Variants in EXD3 observed in about 807,000 individuals in gnomAD.
EXD3 encodes the protein exonuclease mut-7 homolog.
In EXD3, 92 loss-of-function variants were observed where a neutral mutation model predicts 98.0. The ratio of observed to expected loss-of-function variants is 0.94; its 90% CI spans 0.79 to 1.12. The LOEUF is 1.12. EXD3 is among the 50% of genes most tolerant of loss of function. The probability of loss-of-function intolerance (pLI) is 0.00; values close to 1 mark genes in which losing one functional copy is unlikely to be tolerated. For synonymous variants in EXD3, 569 were observed against 526.0 expected, an observed-to-expected ratio of 1.08 and a Z score of -1.12; for missense variants, 1,222 against 1,191.6, an observed-to-expected ratio of 1.03 and a Z score of -0.38.
intron 7 of EXD3, among the ~76,000 whole-genome samples, chr9:137,356,861 C>G (rs543432390): frequency 6.6e-6 from 1 of 152,284 alleles, no homozygotes; most frequent in South Asian, 2.1e-4. Context: ...TAGCTCCTGC[C>G]CTGCAAGGTC....
chr9:137,327,237 C>G (rs1832464901), intron 17 of EXD3, among the ~76,000 whole-genome samples: 1 of 151,856 alleles, frequency 6.6e-6, no homozygotes, highest in Admixed American at 6.6e-5. Flanking sequence ...GGGTTCACGC[C>G]ATTCTCCTGC....
At chr9:137,412,569 T>C (rs894614804) in intron 1 of EXD3, among the ~76,000 whole-genome samples, 4 of 151,948 alleles carry the variant, frequency 2.6e-5, no homozygotes, top group Admixed American at 2.6e-4. Context: ...ACATTCCACA[T>C]GGGACAGGGT....
At chr9:137,422,632 C>A (rs13288824) in intron 1 of EXD3, among the ~76,000 whole-genome samples, 37,034 of 152,142 alleles carry the variant, frequency 0.24, 5,245 homozygotes, top group Non-Finnish European at 0.32. Context: ...CATTCTGACC[C>A]TTTTAATTAT....
intron 1 of EXD3, among the ~76,000 whole-genome samples, chr9:137,396,727 T>C (rs1003410280): frequency 1.7e-4 from 26 of 152,202 alleles, no homozygotes; most frequent in African/African-American, 6.3e-4. Flanking sequence ...CCGCGTCACA[T>C]GGAGGTTAGG....
rs570022014 is a variant in EXD3, at chr9:137,332,637, A to T, written c.1999-8494T>A. Reference sequence around the variant, plus strand: ...GGCGGGCAGATCACAAGGTCAGGAGATCGAGACCATCCTGGCTAAAACAGT... The same window carrying T: ...GGCGGGCAGATCACAAGGTCAGGAGTTCGAGACCATCCTGGCTAAAACAGT... On this transcript the variant is annotated intron_variant, in intron 17 of 21. Coordinates refer to ENST00000340951, the MANE Select transcript of EXD3 (RefSeq NM_017820.5). Among the ~76,000 whole-genome samples the T allele has an allele frequency of 6.3e-4, 96 of 152,096 alleles. 1 individual carries two copies. The highest frequency in any genetic ancestry group is 2.3e-3 in the African/African-American group (94 of 41,506).
intron 2 of EXD3, among the ~76,000 whole-genome samples, chr9:137,388,336 AC>A (rs1564199518): frequency 6.6e-6 from 1 of 151,634 alleles, no homozygotes; most frequent in African/African-American, 2.4e-5. Flanking sequence ...CCCAGCTGAC[AC>A]CCCCGCGCCG....
chr9:137,320,851 C>T (rs1295022744), intron 19 of EXD3, among the ~76,000 whole-genome samples: 5 of 152,222 alleles, frequency 3.3e-5, no homozygotes, highest in Non-Finnish European at 5.9e-5. Context: ...TTCTGAACAG[C>T]TCATTAACAT....
At position 137,351,335 on chromosome 9, in the gene EXD3, G is replaced by A; in HGVS notation, c.1367C>T (p.Pro456Leu). The change falls in exon 13 of 22, where the codon CCC becomes CTC. Residue 456 changes from proline (P) to leucine (L), a missense_variant. Physicochemically the swap from Pro to Leu is moderately conservative, Grantham distance 98 (BLOSUM62 -3). Coordinates refer to ENST00000340951, the MANE Select transcript of EXD3 (RefSeq NM_017820.5). ...TCACTCACCCAGCTTGGTGATAGAGGGGTCCGAGAGGAGCTGGGCCACCAG... is the reference window on the plus strand; with the variant it reads ...TCACTCACCCAGCTTGGTGATAGAGAGGTCCGAGAGGAGCTGGGCCACCAG... ...SRLVAQLLSD[P>L]SITKLGYGMV... is the part of the protein sequence containing the mutation. The A allele has an allele frequency of 6.2e-7, 1 of 1,611,706 alleles. No individual in the cohort carries two copies. The highest frequency in any genetic ancestry group is 8.5e-7 in the Non-Finnish European group (1 of 1,179,546).
chr9:137,405,571 A>G lies in EXD3; in HGVS notation c.-47-10167T>C, dbSNP rs1189709790. Reference sequence around the variant, plus strand: ...TACGTCTCATGGTTCAAGAAATGCCAGGCTCTGGGCTGAGAGGCAGAAGGC... The same window carrying G: ...TACGTCTCATGGTTCAAGAAATGCCGGGCTCTGGGCTGAGAGGCAGAAGGC... On this transcript the variant is annotated intron_variant, in intron 1 of 21. Transcript: ENST00000340951. This position sits in a 1 kb window ranked among gnomAD's most constrained non-coding sequence, Gnocchi z 4.1. Among the ~76,000 whole-genome samples the G allele has an allele frequency of 6.6e-6, 1 of 152,248 alleles. No homozygotes were observed. Among genetic ancestry groups the G allele is most frequent in the African/African-American group, 2.4e-5 (1 of 41,478 alleles).
chr9:137,408,212 C>T (rs1837824077), intron 1 of EXD3, among the ~76,000 whole-genome samples: 2 of 152,202 alleles, frequency 1.3e-5, no homozygotes, highest in South Asian at 4.1e-4. Context: ...TTTGGCCGGC[C>T]CTGCACGTGC....
At chr9:137,379,006 A>G (rs11497280) in intron 3 of EXD3, among the ~76,000 whole-genome samples, 123 of 71,156 alleles carry the variant, frequency 1.7e-3, no homozygotes, top group Middle Eastern at 0.012. Context: ...TGAGGGGTAC[A>G]AGGTTCGTGG....
At chr9:137,369,330 T>C (rs1835470561) in intron 5 of EXD3, among the ~76,000 whole-genome samples, 1 of 152,092 alleles carries the variant, frequency 6.6e-6, no homozygotes, top group Admixed American at 6.5e-5. Context: ...TGATCCCTTC[T>C]GGATCAGGGA....
chr9:137,407,613 T>C lies in EXD3; in HGVS notation c.-47-12209A>G, dbSNP rs1409663584. On this transcript the variant is annotated intron_variant, in intron 1 of 21. Transcript: ENST00000340951. This position sits in a 1 kb window ranked among gnomAD's most constrained non-coding sequence, Gnocchi z 4.4. ...TCAGAGGGTCCCTGACAGGGAAGGA[T>C]GGAGACGCAGCTCCAGACCCCAGAG... 6.6e-6 allele frequency among the ~76,000 whole-genome samples: 1 copy of C among 152,108 alleles called. No individual in the cohort carries two copies. The highest frequency in any genetic ancestry group is 1.5e-5 in the Non-Finnish European group (1 of 68,002).
At position 137,351,535 on chromosome 9, in the gene EXD3, G is replaced by T. The variant is rs976811075; in HGVS notation, c.1174-7C>A. ...CACCAACCACTTGGTGGCACTGCGG[G>T]CAGAGAGGGGCAGATGTGATCATCA... On this transcript the variant is annotated splice_polypyrimidine_tract_variant and splice_region_variant and intron_variant, in intron 12 of 21. Transcript: ENST00000340951. 5 of 1,570,354 alleles carry T rather than the reference G, an allele frequency of 3.2e-6. No individual in the cohort carries two copies. The African/African-American group carries it at 6.8e-5, about 21-fold the overall frequency.
At chr9:137,401,564 G>C (rs7048494) in intron 1 of EXD3, among the ~76,000 whole-genome samples, 137,239 of 152,266 alleles carry the variant, frequency 0.9, 61,940 homozygotes, top group East Asian at 1. Context: ...CTTCTGAAAT[G>C]TAGGCAGAGG....
At chr9:137,355,448 G>GAAGGAGGAAGGAGGAAGGAGAA (rs1564507995) in intron 8 of EXD3, among the ~76,000 whole-genome samples, 3 of 20,024 alleles carry the variant, frequency 1.5e-4, no homozygotes, top group Admixed American at 5.0e-4. Context: ...AGGAAGGGAG[G>GAAGGAGGAAGGAGGAAGGAGAA]ATGGAGGAAG....
intron 17 of EXD3, among the ~76,000 whole-genome samples, chr9:137,335,187 A>G (rs1299031758): frequency 1.3e-5 from 2 of 152,156 alleles, no homozygotes; most frequent in Non-Finnish European, 2.9e-5. Flanking sequence ...TCTACAAGGA[A>G]CTCAAACAAA....
At chr9:137,383,209 G>A (rs1352321548) in intron 3 of EXD3, 104 bp downstream of exon 3, 1 of 959,368 alleles carries the variant, frequency 1.0e-6, no homozygotes, top group Admixed American at 2.1e-5. Flanking sequence ...GTGGGGGGCT[G>A]TGCAGCTTCC....
rs543090704 is a variant in EXD3 at position 137,315,903 on chromosome 9, C to T, written c.2185-6203G>A. On this transcript the variant is annotated intron_variant, in intron 19 of 21. Coordinates refer to ENST00000340951, the MANE Select transcript of EXD3 (RefSeq NM_017820.5). The stretch of plus-strand genomic sequence containing the variant: ...AACACGGTGCCCTGGGCCTCGGGCT[C>T]CCTCCGGGGGCTCCGGGGCGCCCCC... Among the ~76,000 whole-genome samples the T allele has an allele frequency of 2.6e-5, 4 of 151,806 alleles. No individual in the cohort carries two copies. In the South Asian group the frequency reaches 8.3e-4, roughly 32 times the overall value.
Sources: allele counts gnomAD v4.1 joint callset (sites outside exome capture counted in the v4.1 genomes callset), GRCh38; gene constraint gnomAD v4.1.1; non-coding constraint Gnocchi (gnomAD v3.1); transcripts MANE v1.5; gene names NCBI Gene and HGNC (gene_info 2026-07-23, HGNC 2026-07-21).